N4BP2L2: variants seen among roughly 807,000 people sequenced by gnomAD.
The protein encoded by N4BP2L2 is NEDD4-binding protein 2-like 2.
N4BP2L2 carries 50 observed loss-of-function variants against 56.2 expected under a neutral mutation model. The observed-to-expected ratio is 0.89, with a 90% CI of 0.71 to 1.13. The LOEUF is 1.13. N4BP2L2 is among the 50% of genes most tolerant of loss of function. The pLI is 0.00. For missense variants in N4BP2L2, 689 were observed against 693.8 expected (o/e 0.99, Z 0.08); for synonymous variants, 203 against 223.6 (o/e 0.91, Z 0.82).
At chr13:32,452,892 C>T (rs1285769487) in intron 6 of N4BP2L2, among the ~76,000 whole-genome samples, 1 of 152,056 alleles carries the variant, frequency 6.6e-6, no homozygotes, top group African/African-American at 2.4e-5. Context: ...CCTCTGTATT[C>T]ATGAAAGATA....
At chr13:32,534,882 A>AT (rs995566807) in intron 2 of N4BP2L2, among the ~76,000 whole-genome samples, 1 of 152,120 alleles carries the variant, frequency 6.6e-6, no homozygotes, top group Non-Finnish European at 1.5e-5. Context: ...TCTTTACACT[A>AT]TTTTTTCACA....
intron 6 of N4BP2L2, among the ~76,000 whole-genome samples, chr13:32,479,573 G>A (rs936508845): frequency 1.3e-5 from 2 of 150,628 alleles, no homozygotes; most frequent in South Asian, 2.1e-4. Context: ...GAGCCACTGC[G>A]CCCCGCCAGT....
intron 2 of N4BP2L2, among the ~76,000 whole-genome samples, chr13:32,528,721 T>C (rs2053798830): frequency 1.3e-5 from 2 of 152,142 alleles, no homozygotes; most frequent in African/African-American, 4.8e-5. Flanking sequence ...GAAGGTGGTA[T>C]ATTAATAGAA....
At chr13:32,507,323 G>A (rs2091116714), downstream of N4BP2L2, 1 of 152,082 alleles carries the variant, frequency 6.6e-6, no homozygotes, top group Admixed American at 6.6e-5. Flanking sequence ...GGAGTTCAGA[G>A]GAGAAGGTTA....
chr13:32,513,782 C>T (rs1159421105), exon 6 of N4BP2L2: 3 of 152,100 alleles, frequency 2.0e-5, no homozygotes, highest in African/African-American at 7.2e-5. Flanking sequence ...AACAATACAA[C>T]TTTAGCCCTT....
intron 3 of N4BP2L2, chr13:32,523,267 T>G (rs1378199472): frequency 6.6e-6 from 1 of 152,232 alleles, no homozygotes; most frequent in African/African-American, 2.4e-5. Context: ...GGTATGCGCC[T>G]GTAGTCCCAG....
chr13:32,468,787 CAGAGAAA>C (rs2081735241), intron 6 of N4BP2L2, among the ~76,000 whole-genome samples: 1 of 152,166 alleles, frequency 6.6e-6, no homozygotes, highest in African/African-American at 2.4e-5. Flanking sequence ...CCTGCACACC[CAGAGAAA>C]AGAGAGAGAG....
At chr13:32,488,579 A>G (rs2086394831) in intron 6 of N4BP2L2, among the ~76,000 whole-genome samples, 1 of 152,234 alleles carries the variant, frequency 6.6e-6, no homozygotes, top group Non-Finnish European at 1.5e-5. Flanking sequence ...ATACATTTAA[A>G]TTATAAATTA....
At chr13:32,443,866 T>C (rs764096873) in exon 7 of N4BP2L2, 1 of 1,569,626 alleles carries the variant, frequency 6.4e-7, no homozygotes, top group Non-Finnish European at 8.6e-7. Context: ...CCATCTTTTT[T>C]CTTTATATCC....
chr13:32,505,906 T>G (rs961925245), downstream of N4BP2L2: 1 of 152,206 alleles, frequency 6.6e-6, no homozygotes, highest in Admixed American at 6.5e-5. Flanking sequence ...AGTCTATGCT[T>G]TTTCTAACAA....
intron 6 of N4BP2L2, among the ~76,000 whole-genome samples, chr13:32,481,026 G>A (rs1226403196): frequency 1.4e-5 from 2 of 143,120 alleles, no homozygotes; most frequent in African/African-American, 2.6e-5. Context: ...GGCTGAGGCC[G>A]GAGAATCACC....
intron 6 of N4BP2L2, among the ~76,000 whole-genome samples, chr13:32,465,943 C>T (rs1312439836): frequency 1.3e-5 from 2 of 152,188 alleles, no homozygotes. Context: ...TGAGCCACCA[C>T]GCCTGGCCTA....
At chr13:32,433,183 G>A (rs2075027539) in intron 9 of N4BP2L2, among the ~76,000 whole-genome samples, 1 of 152,112 alleles carries the variant, frequency 6.6e-6, no homozygotes, top group Non-Finnish European at 1.5e-5. Context: ...GCTGAAACTT[G>A]TTCTAGATCC....
chr13:32,495,970 A>T (rs1017541784), intron 6 of N4BP2L2, among the ~76,000 whole-genome samples: 4 of 151,318 alleles, frequency 2.6e-5, no homozygotes, highest in Non-Finnish European at 5.9e-5. Context: ...GGCATGAACC[A>T]CCCCACCCCG....
At chr13:32,506,302 T>G (rs1217513123), downstream of N4BP2L2, 5 of 152,174 alleles carry the variant, frequency 3.3e-5, no homozygotes, top group East Asian at 9.6e-4. Flanking sequence ...CATTACCTTT[T>G]TAAAGGCCCC....
chr13:32,442,709 A>G (rs763823496), exon 7 of N4BP2L2: 9 of 1,613,652 alleles, frequency 5.6e-6, no homozygotes, highest in Non-Finnish European at 6.8e-6. Context: ...TTTGTAAAAG[A>G]TGGCTTCCAA....
chr13:32,438,600 A>G (rs1274012573), intron 8 of N4BP2L2: 1 of 1,414,800 alleles, frequency 7.1e-7, no homozygotes, highest in African/African-American at 1.4e-5. Context: ...ACTCCGTCTC[A>G]AACAACAACA....
rs148366301 is a variant in N4BP2L2, at chr13:32,536,768, G to T, written c.260C>A (p.Pro87His). Residue 87 changes from proline (P) to histidine (H), a missense_variant, in exon 2 of 6, where the codon CCT (proline) becomes CAT (histidine). Transcript: ENST00000267068. Reference sequence around the variant, plus strand: ...TTCAATAACATCTGGTCTATTACCAGGCATCTCATCATGCAAAGGTCTATG... The same window carrying T: ...TTCAATAACATCTGGTCTATTACCATGCATCTCATCATGCAAAGGTCTATG... The T allele has an allele frequency of 1.0e-3, 1,626 of 1,613,984 alleles. 3 individuals carry two copies. Among genetic ancestry groups the T allele is most frequent in the Non-Finnish European group, 1.3e-3 (1,478 of 1,180,022 alleles).
Position 32,443,222 on chromosome 13 carries a change from T to A in N4BP2L2, c.1270A>T (p.Thr424Ser), listed in dbSNP as rs75478451. The A allele has an allele frequency of 2.9e-5, 47 of 1,614,004 alleles. No homozygotes were observed. The African/African-American group carries it at 5.6e-4, about 19-fold the overall frequency. The stretch of plus-strand genomic sequence containing the variant: ...TCATTTCCTATCAGTAGTTTGTCTG[T>A]CAATATTTCTGGATTGTTTCCTGGT... The change falls in exon 7 of 10, where the codon ACA (threonine) becomes TCA (serine). Residue 424 changes from threonine to serine, a missense_variant. Thr to Ser is a moderately conservative substitution (Grantham distance 58). Coordinates refer to the N4BP2L2 transcript ENST00000357505.
Sources: allele counts gnomAD v4.1 joint callset (sites outside exome capture counted in the v4.1 genomes callset), GRCh38; gene constraint gnomAD v4.1.1; transcripts MANE v1.5; gene names NCBI Gene and HGNC (gene_info 2026-07-23, HGNC 2026-07-21).